The following PDZRN4 variants were observed in gnomAD, a reference collection of about 807,000 sequenced individuals.
The protein encoded by PDZRN4 is PDZ domain-containing RING finger protein 4.
A neutral mutation model predicts 99.0 loss-of-function variants in PDZRN4; 70 were observed. The ratio of observed to expected loss-of-function variants is 0.71; its 90% CI spans 0.58 to 0.86. The LOEUF is 0.86. PDZRN4 is among the 40% of genes least tolerant of loss of function. PDZRN4 has a pLI of 0.00. For synonymous variants in PDZRN4, 551 were observed against 501.6 expected, an observed-to-expected ratio of 1.10 and a Z score of -1.32; for missense variants, 1,474 against 1,331.2, an observed-to-expected ratio of 1.11 and a Z score of -1.67.
At chr12:41,410,798 C>T (rs1592049148) in intron 3 of PDZRN4, among the ~76,000 whole-genome samples, 1 of 152,044 alleles carries the variant, frequency 6.6e-6, no homozygotes, top group African/African-American at 2.4e-5. Flanking sequence ...CTTTTCTCAC[C>T]GTTGGGTGCA....
chr12:41,261,186 T>C (rs1362471324), intron 3 of PDZRN4, among the ~76,000 whole-genome samples: 1 of 152,168 alleles, frequency 6.6e-6, no homozygotes, highest in African/African-American at 2.4e-5. Context: ...CTCATCCTAA[T>C]TTGTATCAAT....
intron 3 of PDZRN4, among the ~76,000 whole-genome samples, chr12:41,245,972 A>G (rs941536311): frequency 1.2e-4 from 19 of 152,176 alleles, no homozygotes; most frequent in African/African-American, 4.3e-4. Context: ...CTTGTTTGCA[A>G]TGTGGAGGCA....
At chr12:41,318,385 T>C (rs1209187057) in intron 3 of PDZRN4, among the ~76,000 whole-genome samples, 2 of 152,198 alleles carry the variant, frequency 1.3e-5, no homozygotes, top group African/African-American at 4.8e-5. Flanking sequence ...AAACTACTTT[T>C]GTGTTTAGAA....
chr12:41,341,731 T>C (rs931782911), intron 3 of PDZRN4, among the ~76,000 whole-genome samples: 1 of 151,888 alleles, frequency 6.6e-6, no homozygotes, highest in Admixed American at 6.6e-5. Flanking sequence ...TAGATTTTGT[T>C]CATGGATTTA....
intron 3 of PDZRN4, among the ~76,000 whole-genome samples, chr12:41,327,828 A>ATG (rs1377444241): frequency 1.3e-5 from 2 of 151,892 alleles, no homozygotes; most frequent in Non-Finnish European, 2.9e-5. Context: ...GTGTGTGTGC[A>ATG]TGTGTGTGTG....
chr12:41,346,622 G>T (rs1951857101), intron 3 of PDZRN4, among the ~76,000 whole-genome samples: 2 of 152,072 alleles, frequency 1.3e-5, no homozygotes, highest in Admixed American at 6.5e-5. Context: ...AGATATATCA[G>T]TATTGCTGTA....
chr12:41,488,364 G>A (rs1265554161), intron 3 of PDZRN4, among the ~76,000 whole-genome samples: 1 of 152,110 alleles, frequency 6.6e-6, no homozygotes, highest in East Asian at 1.9e-4. Flanking sequence ...TACTTGAGAA[G>A]GATTTGGAAA....
chr12:41,229,998 G>A (rs188613773), intron 3 of PDZRN4, among the ~76,000 whole-genome samples: 10 of 152,038 alleles, frequency 6.6e-5, no homozygotes, highest in South Asian at 2.1e-4. Flanking sequence ...GACCTGATTC[G>A]TATTGCTGTG....
At chr12:41,396,327 C>CTT (rs1952245385) in intron 3 of PDZRN4, among the ~76,000 whole-genome samples, 2 of 152,094 alleles carry the variant, frequency 1.3e-5, no homozygotes, top group African/African-American at 4.8e-5. Flanking sequence ...GGCATGCTGG[C>CTT]CGCTTACTAA....
At chr12:41,416,396 G>A (rs1463478436) in intron 3 of PDZRN4, among the ~76,000 whole-genome samples, 1 of 152,164 alleles carries the variant, frequency 6.6e-6, no homozygotes, top group Admixed American at 6.5e-5. Flanking sequence ...TGTAATCCCA[G>A]CACTTTGGAA....
At chr12:41,450,057 A>G (rs1030130602) in intron 3 of PDZRN4, among the ~76,000 whole-genome samples, 1 of 152,004 alleles carries the variant, frequency 6.6e-6, no homozygotes, top group Non-Finnish European at 1.5e-5. Flanking sequence ...TTCAACTGCA[A>G]ATATCCAAAT....
intron 3 of PDZRN4, among the ~76,000 whole-genome samples, chr12:41,419,113 C>T (rs1952470123): frequency 6.6e-6 from 1 of 152,060 alleles, no homozygotes; most frequent in African/African-American, 2.4e-5. Flanking sequence ...TAGCAATAAC[C>T]CTGTATTAGG....
At chr12:41,394,639 A>G (rs539959409) in intron 3 of PDZRN4, among the ~76,000 whole-genome samples, 1 of 152,256 alleles carries the variant, frequency 6.6e-6, no homozygotes, top group Admixed American at 6.5e-5. Context: ...TTTTGCTTCC[A>G]CAGTCACTCA....
chr12:41,201,298 C>A (rs1298544503), intron 3 of PDZRN4, among the ~76,000 whole-genome samples: 1 of 151,924 alleles, frequency 6.6e-6, no homozygotes, highest in East Asian at 1.9e-4. Context: ...CTGACAAACT[C>A]CTTTGTATCC....
At chr12:41,237,919 T>A (rs189796462) in intron 3 of PDZRN4, among the ~76,000 whole-genome samples, 4 of 152,302 alleles carry the variant, frequency 2.6e-5, no homozygotes, top group African/African-American at 9.6e-5. Flanking sequence ...CCAGCTTTGT[T>A]CTTTTTGCTT....
chr12:41,506,363 G>A (rs1938204995), intron 3 of PDZRN4, 93 bp from the exon 4 acceptor site: 2 of 1,182,916 alleles, frequency 1.7e-6, no homozygotes, highest in Non-Finnish European at 1.2e-6. Context: ...TATCAGGGCT[G>A]GTTGAAACCT....
intron 3 of PDZRN4, among the ~76,000 whole-genome samples, chr12:41,209,719 G>A (rs1390766103): frequency 6.7e-6 from 1 of 149,604 alleles, no homozygotes; most frequent in Non-Finnish European, 1.5e-5. Flanking sequence ...GTGTATATGT[G>A]CCACATTTTC....
Position 41,402,140 on chromosome 12 carries a change from TAC to T in PDZRN4, c.844-104309_844-104308del, listed in dbSNP as rs1212828458. On this transcript the variant is annotated intron_variant, in intron 3 of 9. Transcript: ENST00000402685. ...GTATATATATATATATATATATATA[TAC>T]ACACACTGAGTATATATATATATAT... Among the ~76,000 whole-genome samples, 248 of 32,212 alleles carry T rather than the reference TAC, an allele frequency of 7.7e-3. 19 individuals carry two copies. Among genetic ancestry groups the T allele is most frequent in the African/African-American group, 0.045 (168 of 3,730 alleles). The allele number at this position is 32,212 out of a possible 152,430, so 21.1% of individuals were successfully genotyped here.
intron 3 of PDZRN4, among the ~76,000 whole-genome samples, chr12:41,225,906 C>G (rs898617421): frequency 6.6e-6 from 1 of 152,102 alleles, no homozygotes; most frequent in African/African-American, 2.4e-5. Flanking sequence ...AGGCACCCCC[C>G]TGGAGTAGGT....
Sources: allele counts gnomAD v4.1 joint callset (sites outside exome capture counted in the v4.1 genomes callset), GRCh38; gene constraint gnomAD v4.1.1; transcripts MANE v1.5; gene names NCBI Gene and HGNC (gene_info 2026-07-23, HGNC 2026-07-21).